The following DLGAP4 variants were observed in gnomAD, a reference collection of about 807,000 sequenced individuals.
DLGAP4 encodes DLG associated protein 4.
In DLGAP4, 18 loss-of-function variants were observed where a neutral mutation model predicts 86.9. That is an observed-to-expected ratio of 0.21 (90% CI 0.14 to 0.31). The LOEUF (loss-of-function observed/expected upper bound fraction) is 0.31, where lower values mean the gene tolerates loss of function less well. Ranked by LOEUF, DLGAP4 falls within the 10% of genes least tolerant of loss-of-function variation. The pLI, the probability that DLGAP4 is intolerant of heterozygous loss-of-function variation, is 1.00. For missense variants in DLGAP4, 1,085 were observed against 1,362.6 expected (o/e 0.80, Z 3.21); for synonymous variants, 548 against 574.3 (o/e 0.95, Z 0.65).
chr20:36,365,911 C>T (rs1386399415), intron 1 of DLGAP4, among the ~76,000 whole-genome samples: 1 of 152,174 alleles, frequency 6.6e-6, no homozygotes, highest in African/African-American at 2.4e-5. Flanking sequence ...ACCTACCACT[C>T]GGGTTCTGTG....
intron 7 of DLGAP4, among the ~76,000 whole-genome samples, chr20:36,454,478 T>C (rs1329334121): frequency 1.3e-5 from 2 of 151,990 alleles, no homozygotes; most frequent in Non-Finnish European, 2.9e-5. Context: ...TACAACCATA[T>C]ATGGCGAGCC....
At chr20:36,444,941 A>G (rs2033551332) in intron 6 of DLGAP4, among the ~76,000 whole-genome samples, 1 of 151,892 alleles carries the variant, frequency 6.6e-6, no homozygotes, top group Non-Finnish European at 1.5e-5. Context: ...CGCCTGGACT[A>G]ATCAATTATT....
In DLGAP4 at chr20:36,500,296, C is replaced by T; in HGVS notation, c.2197C>T (p.Leu733Phe). The T allele has an allele frequency of 6.2e-7, 1 of 1,614,032 alleles. No homozygotes were observed. Among genetic ancestry groups the T allele is most frequent in the Non-Finnish European group, 8.5e-7 (1 of 1,179,928 alleles). Residue 733 changes from leucine (L) to phenylalanine (F), a missense_variant, in exon 10 of 13, where the codon CTC (leucine) becomes TTC (phenylalanine). Coordinates refer to ENST00000339266, the MANE Select transcript of DLGAP4 (RefSeq NM_001365621.2). This position sits in a 1 kb window ranked among gnomAD's most constrained non-coding sequence, Gnocchi z 4.6. The stretch of plus-strand genomic sequence containing the variant: ...AAGCTGTAAGTCATCTGAGAGGAGC[C>T]TCCCGGACTGTACCCCTCACCCCAA... Reference protein sequence around the residue: ...DSSCKSSERSLPDCTPHPNSI... With the variant: ...DSSCKSSERSFPDCTPHPNSI...
chr20:36,358,665 G>C (rs559484274), intron 1 of DLGAP4, among the ~76,000 whole-genome samples: 3 of 152,058 alleles, frequency 2.0e-5, no homozygotes, highest in African/African-American at 7.2e-5. Context: ...AAAATTAGCC[G>C]GGTGTGGTGG....
At chr20:36,473,331 T>A (rs939580624) in intron 7 of DLGAP4, among the ~76,000 whole-genome samples, 1 of 152,190 alleles carries the variant, frequency 6.6e-6, no homozygotes, top group Non-Finnish European at 1.5e-5. Flanking sequence ...TTTATGTCGC[T>A]GAGTTGTTGG....
At chr20:36,405,616 G>C (rs1189352425) in intron 2 of DLGAP4, among the ~76,000 whole-genome samples, 1 of 152,168 alleles carries the variant, frequency 6.6e-6, no homozygotes, top group African/African-American at 2.4e-5. Flanking sequence ...AGGGAGGCTG[G>C]AGCGGGCTGG....
chr20:36,524,103 TA>T, intron 10 of DLGAP4, 146 bp from the exon 11 acceptor site: 2 of 694,746 alleles, frequency 2.9e-6, no homozygotes, highest in Non-Finnish European at 2.6e-6. Context: ...GAGAATGGAT[TA>T]ATGTGTAGAT....
chr20:36,331,854 C>T (rs571072878), intron 1 of DLGAP4, among the ~76,000 whole-genome samples: 1 of 152,192 alleles, frequency 6.6e-6, no homozygotes, highest in African/African-American at 2.4e-5. Flanking sequence ...TGAGCTGAGA[C>T]CTGAACACTT....
chr20:36,336,643 T>G (rs2065324906), intron 1 of DLGAP4, among the ~76,000 whole-genome samples: 1 of 152,164 alleles, frequency 6.6e-6, no homozygotes, highest in South Asian at 2.1e-4. Flanking sequence ...TGGGTGTGTG[T>G]GGGACTAAGG....
At chr20:36,430,821 G>A (rs1204641611) in intron 2 of DLGAP4, among the ~76,000 whole-genome samples, 2 of 151,976 alleles carry the variant, frequency 1.3e-5, no homozygotes, top group South Asian at 2.1e-4. Flanking sequence ...CATGTGTGGT[G>A]GCATGCATCT....
intron 2 of DLGAP4, among the ~76,000 whole-genome samples, chr20:36,412,629 G>C (rs1221938290): frequency 6.6e-6 from 1 of 152,158 alleles, no homozygotes; most frequent in East Asian, 1.9e-4. Flanking sequence ...TCCTTCATAG[G>C]GCTGATTGGA....
rs2035600522 is a variant in DLGAP4, at chr20:36,490,199, C to T, written c.1649-6506C>T. On this transcript the variant is annotated intron_variant, in intron 7 of 12. Coordinates refer to ENST00000339266, the MANE Select transcript of DLGAP4 (RefSeq NM_001365621.2). ...AAGGCACAGTGAGGGAGGTGGCTCTCCGACTGAAACAGTGGGAAAGGAGAG... is the reference window on the plus strand; with the variant it reads ...AAGGCACAGTGAGGGAGGTGGCTCTTCGACTGAAACAGTGGGAAAGGAGAG... Among the ~76,000 whole-genome samples, 3 of 152,154 alleles carry T rather than the reference C, an allele frequency of 2.0e-5. No homozygotes were observed. In the South Asian group the frequency reaches 6.2e-4, roughly 32 times the overall value.
chr20:36,456,753 G>A (rs2033888384), intron 7 of DLGAP4, among the ~76,000 whole-genome samples: 1 of 152,194 alleles, frequency 6.6e-6, no homozygotes. Context: ...GGGAAATAGT[G>A]ACCAGGACTG....
intron 7 of DLGAP4, among the ~76,000 whole-genome samples, chr20:36,463,263 C>T (rs2034184750): frequency 6.6e-6 from 1 of 152,242 alleles, no homozygotes; most frequent in South Asian, 2.1e-4. Flanking sequence ...TCCTCTCTGT[C>T]AGTTTCCCTA....
intron 2 of DLGAP4, among the ~76,000 whole-genome samples, chr20:36,404,413 C>A (rs6031852): frequency 0.053 from 7,993 of 152,208 alleles, 671 homozygotes; most frequent in African/African-American, 0.18. Flanking sequence ...AGGCTGCAGG[C>A]TGTTCCCCTA....
At position 36,506,465 on chromosome 20, in the gene DLGAP4, C is replaced by T. The variant is rs373690912; in HGVS notation, c.2512+5854C>T. Among the ~76,000 whole-genome samples the T allele has an allele frequency of 1.6e-4, 25 of 152,276 alleles. No homozygotes were observed. The East Asian group carries it at 1.9e-3, about 12-fold the overall frequency. On this transcript the variant is annotated intron_variant, in intron 10 of 12. Transcript: ENST00000339266. ...GGGGGCCCTTTTCATAGCCCTGTATCAGTTACTGTAACTTACAGACAGATG... is the reference window on the plus strand; with the variant it reads ...GGGGGCCCTTTTCATAGCCCTGTATTAGTTACTGTAACTTACAGACAGATG...
intron 1 of DLGAP4, among the ~76,000 whole-genome samples, chr20:36,354,035 C>T (rs977683372): frequency 5.3e-5 from 8 of 152,208 alleles, no homozygotes; most frequent in African/African-American, 1.4e-4. Context: ...GAGAACAAAA[C>T]GGGAGGCCAG....
chr20:36,521,460 C>G (rs1184106966), intron 10 of DLGAP4, among the ~76,000 whole-genome samples: 3 of 152,114 alleles, frequency 2.0e-5, no homozygotes, highest in Non-Finnish European at 4.4e-5. Context: ...TATTCCCACT[C>G]TTCTTTAAAC....
rs764800312 is a variant in DLGAP4, at chr20:36,528,169, G to GC, written c.*1142dup. 8.5e-6 allele frequency: 1 copy of GC among 117,522 alleles called. No homozygotes were observed. Among genetic ancestry groups the GC allele is most frequent in the African/African-American group, 3.4e-5 (1 of 29,734 alleles). The allele number at this position is 117,522 out of a possible 1,614,324, so 7.3% of individuals were successfully genotyped here. ...TTTTGGTCTCCACCCCCCTCCCCCC[G>GC]CCCCGCACTCCTAAGGGCCCATCTG... On this transcript the variant is annotated 3_prime_UTR_variant, in exon 13 of 13. Transcript: ENST00000339266.
Sources: gnomAD v4.1 joint callset for allele counts (sites outside exome capture counted in the v4.1 genomes callset) on GRCh38, gnomAD v4.1.1 for gene constraint, Gnocchi (gnomAD v3.1) non-coding constraint, MANE v1.5 for transcripts, NCBI Gene and HGNC (gene_info 2026-07-23, HGNC 2026-07-21) for gene names.